The following ENG variants were observed in gnomAD, a reference collection of about 807,000 sequenced individuals.
ENG encodes endoglin.
In ENG, 17 loss-of-function variants were observed where a neutral mutation model predicts 71.0. The ratio of observed to expected loss-of-function variants is 0.24; its 90% CI spans 0.16 to 0.36. ENG has a LOEUF of 0.36. Among genes scored for constraint, ENG ranks in the 10% least tolerant of loss-of-function variants. The probability of loss-of-function intolerance (pLI) is 1.00; values close to 1 mark genes in which losing one functional copy is unlikely to be tolerated. For missense variants in ENG, 749 were observed against 868.3 expected, an observed-to-expected ratio of 0.86 and a Z score of 1.73; for synonymous variants, 360 against 366.9, an observed-to-expected ratio of 0.98 and a Z score of 0.21.
At chr9:127,842,534 C>T (rs1008180972) in intron 2 of ENG, among the ~76,000 whole-genome samples, 1 of 152,096 alleles carries the variant, frequency 6.6e-6, no homozygotes, top group Admixed American at 6.5e-5. Context: ...AAGCAATTCT[C>T]CTGCCTCAGC....
In ENG at chr9:127,815,726, C is replaced by T. The variant is rs561842392; in HGVS notation, c.1933G>A (p.Gly645Arg). Reference sequence around the variant, plus strand: ...GAGCAGGGGGTGCTCTGGGTGCTCCCGATGCTGTGGTTGGTGCTGCTGCTC... The same window carrying T: ...GAGCAGGGGGTGCTCTGGGTGCTCCTGATGCTGTGGTTGGTGCTGCTGCTC... ...SESSSTNHSIGSTQSTPCSTS... is the reference protein window; with the variant it reads ...SESSSTNHSIRSTQSTPCSTS... The change falls in exon 15 of 15, where the codon GGG becomes AGG. Residue 645 changes from glycine to arginine, a missense_variant. Transcript: ENST00000373203. 8.3e-6 allele frequency: 13 copies of T among 1,560,056 alleles called. No homozygotes were observed. The highest frequency in any genetic ancestry group is 3.7e-5 in the Admixed American group (2 of 53,570).
In ENG at chr9:127,851,057, G is replaced by GA. The variant is rs547014193; in HGVS notation, c.67+3231dup. Among the ~76,000 whole-genome samples, 496 of 150,672 alleles carry GA rather than the reference G, an allele frequency of 3.3e-3. 1 individual carries two copies. The highest frequency in any genetic ancestry group is 5.3e-3 in the Non-Finnish European group (361 of 67,568). ...GGATTAAAAGTAGCTTAAAAAGTTA[G>GA]AAAAAAAAACTAGTAAGCCATCTAC... On this transcript the variant is annotated intron_variant, in intron 1 of 14. Transcript: ENST00000373203.
Position 127,817,417 on chromosome 9 carries a change from G to C in ENG, c.1687-214C>G. The C allele has an allele frequency of 6.4e-6, 4 of 625,356 alleles. 1 individual carries two copies. In the South Asian group the frequency reaches 7.2e-5, roughly 11 times the overall value. The allele number at this position is 625,356 out of a possible 1,614,324, so 38.7% of individuals were successfully genotyped here. ...CCTGGCTGCTGCTGAAATGTTTCCT[G>C]TGAGTTCCTGGAGGCCTTGATGCCC... On this transcript the variant is annotated intron_variant, in intron 12 of 14. Transcript: ENST00000373203.
intron 12 of ENG, 106 bp downstream of exon 12, chr9:127,818,014 C>T: frequency 6.3e-7 from 1 of 1,575,958 alleles, no homozygotes; most frequent in Non-Finnish European, 8.7e-7. Flanking sequence ...AGGCTCCGCC[C>T]CTCACCAGCT....
At position 127,854,544 on chromosome 9, in the gene ENG, G is replaced by C; in HGVS notation, c.-189C>G. On this transcript the variant is annotated 5_prime_UTR_variant, in exon 1 of 15. Transcript: ENST00000373203. The stretch of plus-strand genomic sequence containing the variant: ...TCAGGAGAAGTGGACACAGGGACGC[G>C]GGGCTGGGCTGGAGTTGCTGTCCGA... 1.7e-6 allele frequency: 1 copy of C among 602,070 alleles called. No individual in the cohort carries two copies. 37.3% of individuals were successfully genotyped at this position (602,070 alleles called of 1,614,324 possible).
chr9:127,820,838 AAAT>A (rs1273970591), intron 8 of ENG, among the ~76,000 whole-genome samples: 2 of 151,132 alleles, frequency 1.3e-5, no homozygotes, highest in African/African-American at 2.4e-5. Flanking sequence ...CAAAAAAAAA[AAAT>A]ATATATATAT....
At chr9:127,825,586 G>A (rs1257118479) in intron 5 of ENG, 109 bp downstream of exon 5, 1 of 1,275,462 alleles carries the variant, frequency 7.8e-7, no homozygotes, top group African/African-American at 1.5e-5. Context: ...CGGGGCTGGG[G>A]CTGGGACTGG....
In ENG at chr9:127,836,440, C is replaced by T. The variant is rs1358351239; in HGVS notation, c.220-6613G>A. On this transcript the variant is annotated intron_variant, in intron 2 of 14. Transcript: ENST00000373203. This position sits in a 1 kb window ranked among gnomAD's most constrained non-coding sequence, Gnocchi z 4.0. ...GTGCTAGTAGCCACTTATAGAAAGT[C>T]GCTTCCAGCAATTCTTCTAGGAGTG... is the stretch of plus-strand genomic sequence containing the variant. 1.3e-5 allele frequency among the ~76,000 whole-genome samples: 2 copies of T among 152,238 alleles called. No homozygotes were observed. Among genetic ancestry groups the T allele is most frequent in the Non-Finnish European group, 2.9e-5 (2 of 68,040 alleles).
intron 1 of ENG, among the ~76,000 whole-genome samples, chr9:127,845,620 T>A (rs1831150673): frequency 6.6e-6 from 1 of 152,224 alleles, no homozygotes; most frequent in Non-Finnish European, 1.5e-5. Context: ...ATACCTGGTC[T>A]ATAAAATGAC....
rs1454263044 is a variant in ENG, at chr9:127,836,566, G to C, written c.219+6528C>G. 2.0e-5 allele frequency among the ~76,000 whole-genome samples: 3 copies of C among 152,214 alleles called. No individual in the cohort carries two copies. The highest frequency in any genetic ancestry group is 4.4e-5 in the Non-Finnish European group (3 of 68,044). ...TCTGTCCACCCCAGAAAACTCAGATGGTCCTACAGGCAGGGTGGCAGGGGA... is the reference window on the plus strand; with the variant it reads ...TCTGTCCACCCCAGAAAACTCAGATCGTCCTACAGGCAGGGTGGCAGGGGA... On this transcript the variant is annotated intron_variant, in intron 2 of 14. Transcript: ENST00000373203. The surrounding 1 kb of genome is among the most constrained non-coding windows in gnomAD (Gnocchi z 4.0).
At chr9:127,820,076 G>T in intron 8 of ENG, 39 bp from the exon 9 acceptor site, 3 of 1,605,630 alleles carry the variant, frequency 1.9e-6, no homozygotes, top group African/African-American at 1.3e-5. Context: ...GAGGCACTGG[G>T]GTCTCTGTGG....
At chr9:127,818,888 G>A (rs1242168573) in intron 10 of ENG, 56 bp from the exon 11 acceptor site, 46 of 1,516,748 alleles carry the variant, frequency 3.0e-5, no homozygotes, top group African/African-American at 8.2e-5. Context: ...CCAGGAGGGC[G>A]AGGGGTGTGG....
In ENG at chr9:127,838,651, T is replaced by C. The variant is rs1338133903; in HGVS notation, c.219+4443A>G. ...AGCTCTGCCCTGGCCTGGCAGCCTG[T>C]GCATTTGTTAGGAGGATAGCAGATC... On this transcript the variant is annotated intron_variant, in intron 2 of 14. Transcript: ENST00000373203. This position sits in a 1 kb window ranked among gnomAD's most constrained non-coding sequence, Gnocchi z 4.3. Among the ~76,000 whole-genome samples, 3 of 152,112 alleles carry C rather than the reference T, an allele frequency of 2.0e-5. No homozygotes were observed. Among genetic ancestry groups the C allele is most frequent in the Admixed American group, 6.5e-5 (1 of 15,286 alleles).
intron 13 of ENG, chr9:127,816,837 ACTCCATC>A (rs1172375373): frequency 1.5e-5 from 7 of 480,146 alleles, no homozygotes; most frequent in African/African-American, 1.2e-4. Flanking sequence ...CACCCAGGAG[ACTCCATC>A]CTCCCAGCAA....
At chr9:127,829,174 G>A (rs575227445) in intron 3 of ENG, among the ~76,000 whole-genome samples, 3 of 152,056 alleles carry the variant, frequency 2.0e-5, no homozygotes, top group Non-Finnish European at 4.4e-5. Context: ...CTCCAAAATA[G>A]GCCAAATCCA....
chr9:127,851,632 G>A lies in ENG; in HGVS notation c.67+2657C>T, dbSNP rs189394663. Among the ~76,000 whole-genome samples, 290 of 152,180 alleles carry A rather than the reference G, an allele frequency of 1.9e-3. 4 individuals are homozygous for A. Among genetic ancestry groups the A allele is most frequent in the Non-Finnish European group, 4.3e-4 (29 of 68,014 alleles). ...ATGGTGGCTCACACCTGTAATCCCA[G>A]CACTTTGGGAGGCTGAGGCAGGCGT... On this transcript the variant is annotated intron_variant, in intron 1 of 14. Coordinates refer to ENST00000373203, the MANE Select transcript of ENG (RefSeq NM_001114753.3).
Position 127,829,766 on chromosome 9 carries a change from T to A in ENG, c.281A>T (p.Glu94Val). Reference protein sequence around the residue: ...ASKQNGTWPREVLLVLSVNSS... With the variant: ...ASKQNGTWPRVVLLVLSVNSS... Reference sequence around the variant, plus strand: ...GTTTACACTGAGGACCAGAAGCACCTCTCGGGGCCAGGTGCCATTTTGCTT... The same window carrying A: ...GTTTACACTGAGGACCAGAAGCACCACTCGGGGCCAGGTGCCATTTTGCTT... Residue 94 changes from glutamate (E) to valine (V), a missense_variant, in exon 3 of 15, where the codon GAG becomes GTG. Coordinates refer to ENST00000373203, the MANE Select transcript of ENG (RefSeq NM_001114753.3). 6.2e-7 allele frequency: 1 copy of A among 1,614,014 alleles called. No homozygotes were observed. Among genetic ancestry groups the A allele is most frequent in the Non-Finnish European group, 8.5e-7 (1 of 1,180,004 alleles).
At chr9:127,820,905 A>G (rs1211002413) in intron 8 of ENG, among the ~76,000 whole-genome samples, 4 of 152,136 alleles carry the variant, frequency 2.6e-5, no homozygotes, top group African/African-American at 7.2e-5. Flanking sequence ...AGGGCATGCA[A>G]ACCCTGCAAG....
chr9:127,854,153 T>G, intron 1 of ENG, 136 bp downstream of exon 1: 2 of 846,550 alleles, frequency 2.4e-6, no homozygotes, highest in Non-Finnish European at 3.7e-6. Context: ...ACTGGGAGGG[T>G]TGGTGACCCT....
Sources: allele counts gnomAD v4.1 joint callset (sites outside exome capture counted in the v4.1 genomes callset), GRCh38; gene constraint gnomAD v4.1.1; non-coding constraint Gnocchi (gnomAD v3.1); transcripts MANE v1.5; gene names NCBI Gene and HGNC (gene_info 2026-07-23, HGNC 2026-07-21).